Variants in CARD10 observed in about 807,000 individuals in gnomAD.
CARD10 encodes caspase recruitment domain-containing protein 10.
Under a neutral mutation model 114.6 loss-of-function variants are expected in CARD10, and 49 were observed. That is an observed-to-expected ratio of 0.43 (90% CI 0.34 to 0.54). CARD10 has a LOEUF of 0.54. Among genes scored for constraint, CARD10 ranks in the 20% least tolerant of loss-of-function variants. The pLI is 0.03. For synonymous variants in CARD10, 602 were observed against 593.2 expected, an observed-to-expected ratio of 1.01 and a Z score of -0.21; for missense variants, 1,206 against 1,397.2, an observed-to-expected ratio of 0.86 and a Z score of 2.18.
At chr22:37,493,978 CA>C in intron 16 of CARD10, 107 bp downstream of exon 16, 3 of 817,872 alleles carry the variant, frequency 3.7e-6, no homozygotes, top group Non-Finnish European at 6.2e-6. Flanking sequence ...ACCCTCACAA[CA>C]GGCCCTTCCA....
intron 1 of CARD10, 62 bp downstream of exon 1, chr22:37,518,904 G>T: frequency 2.1e-6 from 3 of 1,462,494 alleles, no homozygotes; most frequent in Middle Eastern, 2.0e-4. Context: ...ACACGGCTGT[G>T]GGCGCTGCGC....
intron 3 of CARD10, 35 bp downstream of exon 3, chr22:37,515,938 C>T (rs1467351337): frequency 6.7e-7 from 1 of 1,502,632 alleles, no homozygotes. Flanking sequence ...GCTGCCCCTT[C>T]CCTTGCCTCC....
chr22:37,492,706 C>T lies in CARD10; in HGVS notation c.2573G>A (p.Arg858Gln), dbSNP rs776727513. ...CAGGTCTAGCAGGTTACGGATGAGC[C>T]GGGGCGCCAGGCACTCAGGCAACAG... ...VVLLPECLAP[R>Q]LIRNLLDLPS... Residue 858 changes from arginine to glutamine, a missense_variant, in exon 17 of 20, where the codon CGG (arginine) becomes CAG (glutamine). This residue lies in a region of CARD10 where 1,068 missense variants were observed against 1,179.1 expected (regional missense o/e 0.91). Coordinates refer to ENST00000251973, the MANE Select transcript of CARD10 (RefSeq NM_014550.4). The surrounding 1 kb of genome is among the most constrained non-coding windows in gnomAD (Gnocchi z 5.7). 3.1e-6 allele frequency: 5 copies of T among 1,613,044 alleles called. No individual in the cohort carries two copies. Among genetic ancestry groups the T allele is most frequent in the South Asian group, 1.1e-5 (1 of 91,078 alleles).
At chr22:37,517,598 C>T (rs1923883950) in intron 2 of CARD10, among the ~76,000 whole-genome samples, 2 of 151,922 alleles carry the variant, frequency 1.3e-5, no homozygotes, top group South Asian at 2.1e-4. Context: ...GCTGAGATCG[C>T]GCCACTGCAC....
In CARD10 at chr22:37,516,241, C is replaced by T. The variant is rs775579627; in HGVS notation, c.431G>A (p.Arg144Gln). 3.1e-6 allele frequency: 5 copies of T among 1,605,226 alleles called. No homozygotes were observed. The highest frequency in any genetic ancestry group is 4.2e-6 in the Non-Finnish European group (5 of 1,177,170). ...QFLMTEVRRL[R>Q]EARKSQLQRE... is the part of the protein sequence containing the mutation. Reference sequence around the variant, plus strand: ...CTGCAGCTGGCTCTTGCGAGCTTCCCGCAGCCGTCGCACCTCTGTCATCAA... The same window carrying T: ...CTGCAGCTGGCTCTTGCGAGCTTCCTGCAGCCGTCGCACCTCTGTCATCAA... The change falls in exon 3 of 20, where the codon CGG (arginine) becomes CAG (glutamine). Residue 144 changes from arginine to glutamine, a missense_variant. Coordinates refer to ENST00000251973, the MANE Select transcript of CARD10 (RefSeq NM_014550.4).
At chr22:37,498,827 G>A (rs775922950) in intron 11 of CARD10, among the ~76,000 whole-genome samples, 10 of 149,858 alleles carry the variant, frequency 6.7e-5, no homozygotes, top group Non-Finnish European at 1.0e-4. Flanking sequence ...CAAATGAGCC[G>A]GCTGCTGAGC....
intron 16 of CARD10, among the ~76,000 whole-genome samples, chr22:37,493,363 C>T (rs1359116893): frequency 1.3e-5 from 2 of 152,184 alleles, no homozygotes; most frequent in African/African-American, 4.8e-5. Flanking sequence ...ATGTGCCCCA[C>T]GGCCCCCAGT....
At chr22:37,510,660 C>T in intron 3 of CARD10, 1 of 522,448 alleles carries the variant, frequency 1.9e-6, no homozygotes, top group Non-Finnish European at 3.4e-6. Flanking sequence ...GGGGAATCCA[C>T]TCTAAGAACT....
At position 37,503,100 on chromosome 22, in the gene CARD10, C is replaced by T. The variant is rs528674728; in HGVS notation, c.1663+85G>A. 5.7e-4 allele frequency: 807 copies of T among 1,412,056 alleles called. 1 individual carries two copies. Among genetic ancestry groups the T allele is most frequent in the Non-Finnish European group, 7.3e-4 (743 of 1,013,018 alleles). The allele number at this position is 1,412,056 out of a possible 1,614,324, so 87.5% of individuals were successfully genotyped here. A position where few individuals can be genotyped will look rare whatever the true frequency, so the allele number is the denominator to read the frequency against. On this transcript the variant is annotated intron_variant, in intron 10 of 19. Coordinates refer to ENST00000251973, the MANE Select transcript of CARD10 (RefSeq NM_014550.4). ...GGAAGGGGATGCAGGCCAAAGGTAG[C>T]GCAGGTGGTGCAGGCTTCAGGTGGG...
In CARD10 at chr22:37,494,174, G is replaced by T; in HGVS notation, c.2388C>A (p.Ala796=). 1 of 1,554,674 alleles carries T rather than the reference G, an allele frequency of 6.4e-7. No individual in the cohort carries two copies. The highest frequency in any genetic ancestry group is 8.7e-7 in the Non-Finnish European group (1 of 1,149,142). ...RGPRSNLKKR[A]LDQLRLVRPK... ...GCCTCACCAGCCGCAGCTGGTCCAG[G>T]GCTCTCTTCTTCAGCTGGGAGGGTG... Residue 796 remains alanine, a synonymous_variant, in exon 16 of 20, where the codon GCC becomes GCA. Transcript: ENST00000251973.
At chr22:37,493,470 G>A (rs1234751104) in intron 16 of CARD10, among the ~76,000 whole-genome samples, 12 of 152,164 alleles carry the variant, frequency 7.9e-5, no homozygotes, top group Non-Finnish European at 1.8e-4. Context: ...TGAGGGCAGG[G>A]ACAGTCACGT....
Position 37,502,617 on chromosome 22 carries a change from AGGCCACAGCCCC to A in CARD10, c.1760_1771del (p.Arg587_Gly590del). 6.2e-7 allele frequency: 1 copy of A among 1,613,872 alleles called. No individual in the cohort carries two copies. The highest frequency in any genetic ancestry group is 8.5e-7 in the Non-Finnish European group (1 of 1,179,936). ...GCTACAGTACCTGTTGAGGAAGTCC[AGGCCACAGCCCC>A]GAGCCAGGAGGCCTTCCGGCTTTCC... On this transcript the variant is annotated inframe_deletion, in exon 11 of 20. Transcript: ENST00000251973.
At chr22:37,506,459 T>C in intron 6 of CARD10, 76 bp from the exon 7 acceptor site, 2 of 1,150,964 alleles carry the variant, frequency 1.7e-6, no homozygotes, top group African/African-American at 3.1e-5. Flanking sequence ...ACTTGGAGAA[T>C]GGGGACAGTA....
At position 37,496,068 on chromosome 22, in the gene CARD10, G is replaced by C; in HGVS notation, c.2060-65C>G. On this transcript the variant is annotated intron_variant, in intron 13 of 19. Coordinates refer to ENST00000251973, the MANE Select transcript of CARD10 (RefSeq NM_014550.4). This position sits in a 1 kb window ranked among gnomAD's most constrained non-coding sequence, Gnocchi z 4.1. ...AGGAGGATGGTGAGGTCCAGGATCG[G>C]CCTTGGTGGGGCCAAAGACATGGCC... 1.9e-6 allele frequency: 3 copies of C among 1,584,294 alleles called. No individual in the cohort carries two copies. Among genetic ancestry groups the C allele is most frequent in the South Asian group, 1.1e-5 (1 of 87,828 alleles).
At chr22:37,518,678 C>A (rs1276052787) in intron 1 of CARD10, among the ~76,000 whole-genome samples, 1 of 152,240 alleles carries the variant, frequency 6.6e-6, no homozygotes, top group African/African-American at 2.4e-5. Flanking sequence ...CAGGCCCAGC[C>A]GGCCCTGGCA....
chr22:37,504,601 T>C, intron 8 of CARD10, 34 bp downstream of exon 8: 2 of 1,446,834 alleles, frequency 1.4e-6, no homozygotes, highest in Middle Eastern at 3.7e-4. Context: ...TATAGCAGTG[T>C]CCCCCCTTAT....
In CARD10 at chr22:37,506,210, C is replaced by T. The variant is rs1156850551; in HGVS notation, c.1365G>A (p.Gln455=). The part of the protein sequence containing the change: ...ALLEVQLQRA[Q]GGTCLKACAS... ...CGCTCACCTTGAGGCAGGTGCCACC[C>T]TGGGCCCGCTGCAGCTGAACCTCCA... is the stretch of plus-strand genomic sequence containing the variant. Residue 455 remains glutamine (Q), a synonymous_variant, in exon 7 of 20, where the codon CAG becomes CAA. Coordinates refer to ENST00000251973, the MANE Select transcript of CARD10 (RefSeq NM_014550.4). 3 of 1,582,724 alleles carry T rather than the reference C, an allele frequency of 1.9e-6. No homozygotes were observed. The African/African-American group carries it at 4.0e-5, about 21-fold the overall frequency.
intron 11 of CARD10, among the ~76,000 whole-genome samples, chr22:37,500,426 T>C (rs144451856): frequency 6.6e-6 from 1 of 152,142 alleles, no homozygotes; most frequent in East Asian, 1.9e-4. Context: ...ACTTGCCCCA[T>C]GAGTTCTCCC....
intron 18 of CARD10, 106 bp from the exon 19 acceptor site, chr22:37,491,973 C>G (rs769668192): frequency 1.3e-4 from 95 of 738,268 alleles, no homozygotes; most frequent in Admixed American, 2.0e-4. Flanking sequence ...AGATGCAAGT[C>G]CTGCCTCCCC....
Sources: allele counts gnomAD v4.1 joint callset (sites outside exome capture counted in the v4.1 genomes callset), GRCh38; gene constraint gnomAD v4.1.1; regional missense constraint gnomAD v4.1.1; non-coding constraint Gnocchi (gnomAD v3.1); transcripts MANE v1.5; gene names NCBI Gene and HGNC (gene_info 2026-07-23, HGNC 2026-07-21).